PMFBP1: variants seen among roughly 807,000 people sequenced by gnomAD.
PMFBP1 encodes the protein polyamine-modulated factor 1-binding protein 1.
Under a neutral mutation model 137.8 loss-of-function variants are expected in PMFBP1, and 131 were observed. The ratio of observed to expected loss-of-function variants is 0.95; its 90% CI spans 0.82 to 1.10. The LOEUF is 1.10. Ranked by LOEUF, PMFBP1 falls within the 50% of genes least tolerant of loss-of-function variation. PMFBP1 has a pLI of 0.00. For synonymous variants in PMFBP1, 490 were observed against 450.4 expected (o/e 1.09, Z -1.11); for missense variants, 1,199 against 1,175.4 (o/e 1.02, Z -0.29).
At chr16:72,136,923 G>C in intron 7 of PMFBP1, 104 bp from the exon 8 acceptor site, 1 of 1,488,014 alleles carries the variant, frequency 6.7e-7, no homozygotes, top group Non-Finnish European at 9.1e-7. Context: ...GGACAAAGTA[G>C]CAGAGTAATG....
chr16:72,128,358 C>A lies in PMFBP1; in HGVS notation c.2088+299G>T, dbSNP rs572573692. 2.8e-4 allele frequency: 373 copies of A among 1,330,684 alleles called. 1 individual carries two copies. The highest frequency in any genetic ancestry group is 5.3e-4 in the Admixed American group (17 of 31,860). The allele number at this position is 1,330,684 out of a possible 1,614,324, so 82.4% of individuals were successfully genotyped here. A position where few individuals can be genotyped will look rare whatever the true frequency, so the allele number is the denominator to read the frequency against. ...AAGTGTTCCCTAGCAAATTGCCCCC[C>A]AAAATGGATTCACTCAACTCTGGTC... On this transcript the variant is annotated intron_variant, in intron 14 of 20. Transcript: ENST00000237353.
the PMFBP1 span, among the ~76,000 whole-genome samples, chr16:72,192,546 A>T: frequency 6.6e-6 from 1 of 152,192 alleles, no homozygotes; most frequent in Non-Finnish European, 1.5e-5. Flanking sequence ...ACAGGATTTT[A>T]TTCTAAGGGA....
In PMFBP1 at chr16:72,140,965, C is replaced by T. The variant is rs973208789; in HGVS notation, c.637-383G>A. ...TTTTTTTTTTTTTGAGATGGAGTCTCACTCTGTCGCCCAGGCTGGAGTGCA... is the reference window on the plus strand; with the variant it reads ...TTTTTTTTTTTTTGAGATGGAGTCTTACTCTGTCGCCCAGGCTGGAGTGCA... On this transcript the variant is annotated intron_variant, in intron 5 of 20. Coordinates refer to ENST00000237353, the MANE Select transcript of PMFBP1 (RefSeq NM_031293.3). Among the ~76,000 whole-genome samples the T allele has an allele frequency of 2.8e-5, 3 of 108,590 alleles. No homozygotes were observed. In the Admixed American group the frequency reaches 3.8e-4, roughly 14 times the overall value. The allele number at this position is 108,590 out of a possible 152,430, so 71.2% of individuals were successfully genotyped here. A position where few individuals can be genotyped will look rare whatever the true frequency, so the allele number is the denominator to read the frequency against.
chr16:72,213,278 C>A, the PMFBP1 span, among the ~76,000 whole-genome samples: 1 of 152,172 alleles, frequency 6.6e-6, no homozygotes, highest in Non-Finnish European at 1.5e-5. Flanking sequence ...GTCCTTTCTT[C>A]TATAATCCCC....
chr16:72,143,444 C>T (rs2042753997), intron 5 of PMFBP1, among the ~76,000 whole-genome samples: 1 of 152,172 alleles, frequency 6.6e-6, no homozygotes, highest in Non-Finnish European at 1.5e-5. Flanking sequence ...TCCTATACAA[C>T]AGTAATAATA....
chr16:72,175,316 A>G (rs2043254562), upstream of PMFBP1, among the ~76,000 whole-genome samples: 1 of 152,134 alleles, frequency 6.6e-6, no homozygotes, highest in Non-Finnish European at 1.5e-5. Context: ...GGTTTTGGAG[A>G]GAGGAAGGAA....
At chr16:72,206,437 C>T in the PMFBP1 span, among the ~76,000 whole-genome samples, 5 of 152,358 alleles carry the variant, frequency 3.3e-5, no homozygotes, top group South Asian at 1.0e-3. Flanking sequence ...GGCAGCTCCA[C>T]AGATAAGTCA....
intron 2 of PMFBP1, among the ~76,000 whole-genome samples, chr16:72,167,673 T>C (rs887877267): frequency 1.3e-5 from 2 of 152,142 alleles, no homozygotes; most frequent in African/African-American, 4.8e-5. Context: ...CTAAGGAGCC[T>C]CTCCACTCTG....
At chr16:72,138,710 T>G (rs915611598) in intron 7 of PMFBP1, among the ~76,000 whole-genome samples, 3 of 151,998 alleles carry the variant, frequency 2.0e-5, no homozygotes, top group Non-Finnish European at 4.4e-5. Flanking sequence ...GAGATGGAGT[T>G]TCACCAAGTT....
chr16:72,204,390 T>C, the PMFBP1 span, among the ~76,000 whole-genome samples: 103 of 152,220 alleles, frequency 6.8e-4, 1 homozygote, highest in South Asian at 0.016. Context: ...TTTGTGGAGA[T>C]AGGGTTTTAC....
At chr16:72,226,525 C>T in the PMFBP1 span, among the ~76,000 whole-genome samples, 2 of 152,130 alleles carry the variant, frequency 1.3e-5, no homozygotes, top group African/African-American at 4.8e-5. Context: ...TTATTTGCTT[C>T]TCACTAAAGG....
the PMFBP1 span, among the ~76,000 whole-genome samples, chr16:72,208,476 T>C: frequency 1.3e-5 from 2 of 152,276 alleles, no homozygotes; most frequent in African/African-American, 2.4e-5. Context: ...GCTTATTAAA[T>C]TGAATATATA....
chr16:72,153,165 C>A lies in PMFBP1; in HGVS notation c.414+1046G>T, dbSNP rs558479555. On this transcript the variant is annotated intron_variant, in intron 4 of 20. Coordinates refer to ENST00000237353, the MANE Select transcript of PMFBP1 (RefSeq NM_031293.3). Reference sequence around the variant, plus strand: ...ACCACTAAGTTTTAACACAGCCCTGCACTATCTTTTTAAAACTATGTGTAT... The same window carrying A: ...ACCACTAAGTTTTAACACAGCCCTGAACTATCTTTTTAAAACTATGTGTAT... 5.3e-5 allele frequency among the ~76,000 whole-genome samples: 8 copies of A among 152,336 alleles called. No individual in the cohort carries two copies. The South Asian group carries it at 1.7e-3, about 32-fold the overall frequency.
chr16:72,176,738 T>A (rs939333064), upstream of PMFBP1: 4 of 152,246 alleles, frequency 2.6e-5, no homozygotes, highest in Non-Finnish European at 5.9e-5. Flanking sequence ...TTCTGTTTCA[T>A]ACACCTGAAT....
At chr16:72,248,363 C>G in the PMFBP1 span, among the ~76,000 whole-genome samples, 3 of 152,090 alleles carry the variant, frequency 2.0e-5, no homozygotes, top group African/African-American at 7.2e-5. Context: ...TACCAGCTGT[C>G]GCTTAAACTT....
chr16:72,132,512 T>C (rs1469898345), intron 10 of PMFBP1, among the ~76,000 whole-genome samples: 2 of 152,106 alleles, frequency 1.3e-5, no homozygotes, highest in Non-Finnish European at 2.9e-5. Flanking sequence ...GCAAGACTGC[T>C]GGGAGAATGG....
At chr16:72,215,011 T>C in the PMFBP1 span, among the ~76,000 whole-genome samples, 2,174 of 152,184 alleles carry the variant, frequency 0.014, 21 homozygotes, top group Non-Finnish European at 0.023. Context: ...GTGAAAAAGA[T>C]TAGACATGGC....
At chr16:72,186,944 C>T in the PMFBP1 span, among the ~76,000 whole-genome samples, 1 of 151,864 alleles carries the variant, frequency 6.6e-6, no homozygotes, top group Non-Finnish European at 1.5e-5. Flanking sequence ...AAAACCCCAT[C>T]TCTACTAAAA....
chr16:72,219,421 C>T, the PMFBP1 span, among the ~76,000 whole-genome samples: 4 of 152,050 alleles, frequency 2.6e-5, no homozygotes, highest in African/African-American at 7.2e-5. Context: ...GGAAGAGGCA[C>T]CCAGGAGCGC....
Sources: allele counts gnomAD v4.1 joint callset (sites outside exome capture counted in the v4.1 genomes callset), GRCh38; gene constraint gnomAD v4.1.1; transcripts MANE v1.5; gene names NCBI Gene and HGNC (gene_info 2026-07-23, HGNC 2026-07-21).